Variants in PRKCE observed in about 807,000 individuals in gnomAD.
PRKCE encodes the protein protein kinase C epsilon type.
In PRKCE, 16 loss-of-function variants were observed where a neutral mutation model predicts 85.4. The observed-to-expected ratio is 0.19, with a 90% CI of 0.13 to 0.28. The LOEUF is 0.28. Among genes scored for constraint, PRKCE ranks in the 10% least tolerant of loss-of-function variants. The pLI is 1.00. For synonymous variants in PRKCE, 388 were observed against 371.5 expected, an observed-to-expected ratio of 1.04 and a Z score of -0.51; for missense variants, 573 against 975.2, an observed-to-expected ratio of 0.59 and a Z score of 5.49.
chr2:45,973,296 C>T (rs1181042156), intron 2 of PRKCE, among the ~76,000 whole-genome samples: 1 of 152,148 alleles, frequency 6.6e-6, no homozygotes, highest in Non-Finnish European at 1.5e-5. Flanking sequence ...GATACTCTGG[C>T]CTGACCCGTG....
chr2:45,741,710 G>A (rs1175409927), intron 1 of PRKCE, among the ~76,000 whole-genome samples: 1 of 151,430 alleles, frequency 6.6e-6, no homozygotes, highest in Admixed American at 6.5e-5. Context: ...GGTCTTGGAA[G>A]GGAAGGTTCA....
chr2:45,673,302 C>G (rs999425178), intron 1 of PRKCE, among the ~76,000 whole-genome samples: 2 of 152,196 alleles, frequency 1.3e-5, no homozygotes, highest in African/African-American at 4.8e-5. Context: ...CACTCAAAAA[C>G]GAATGCCATA....
intron 2 of PRKCE, among the ~76,000 whole-genome samples, chr2:45,916,828 G>A (rs768623851): frequency 2.6e-5 from 4 of 152,160 alleles, no homozygotes; most frequent in Non-Finnish European, 5.9e-5. Context: ...GAGTGTTACA[G>A]CTCTTAAGGT....
At chr2:45,751,550 A>G (rs1253418548) in intron 1 of PRKCE, among the ~76,000 whole-genome samples, 2 of 152,068 alleles carry the variant, frequency 1.3e-5, no homozygotes. Context: ...TTCTCTAATC[A>G]GGTCAAAAAA....
intron 2 of PRKCE, among the ~76,000 whole-genome samples, chr2:45,848,147 G>A (rs1166660678): frequency 6.6e-6 from 1 of 152,180 alleles, no homozygotes; most frequent in East Asian, 1.9e-4. Flanking sequence ...CAGTGGGCAG[G>A]ATACATATCG....
chr2:45,753,457 G>A (rs1683750619), intron 1 of PRKCE, among the ~76,000 whole-genome samples: 2 of 151,962 alleles, frequency 1.3e-5, no homozygotes, highest in Non-Finnish European at 2.9e-5. Flanking sequence ...TGATTTACTT[G>A]TATTCCAATA....
chr2:45,817,660 C>G (rs974872416), intron 1 of PRKCE, among the ~76,000 whole-genome samples: 1 of 152,120 alleles, frequency 6.6e-6, no homozygotes, highest in Non-Finnish European at 1.5e-5. Flanking sequence ...CGCCACTGCA[C>G]TCCAGCCTGG....
chr2:45,773,034 A>C (rs994100439), intron 1 of PRKCE, among the ~76,000 whole-genome samples: 1 of 152,158 alleles, frequency 6.6e-6, no homozygotes, highest in Non-Finnish European at 1.5e-5. Context: ...AGCCCTACCT[A>C]ATAACTTCCT....
At chr2:45,884,954 CATATATATAT>C (rs745477412) in intron 2 of PRKCE, among the ~76,000 whole-genome samples, 486 of 37,506 alleles carry the variant, frequency 0.013, 5 homozygotes, top group Non-Finnish European at 0.016. Context: ...ATATGTGATC[CATATATATAT>C]ATATATATAT....
chr2:45,862,673 A>G (rs1175999907), intron 2 of PRKCE, among the ~76,000 whole-genome samples: 1 of 152,214 alleles, frequency 6.6e-6, no homozygotes, highest in Non-Finnish European at 1.5e-5. Flanking sequence ...CACGGGAACC[A>G]GGTCACAATG....
At chr2:46,010,281 C>A in intron 9 of PRKCE, 63 bp from the exon 10 acceptor site, 4 of 1,476,446 alleles carry the variant, frequency 2.7e-6, no homozygotes, top group South Asian at 1.4e-5. Context: ...TTGGTATTAG[C>A]TTACACTTCT....
chr2:45,985,763 G>C (rs1238807690), intron 6 of PRKCE, among the ~76,000 whole-genome samples: 1 of 152,188 alleles, frequency 6.6e-6, no homozygotes, highest in African/African-American at 2.4e-5. Context: ...CTGAGATGGG[G>C]ATACAAGAGG....
At chr2:45,689,749 A>T (rs1677581424) in intron 1 of PRKCE, among the ~76,000 whole-genome samples, 1 of 151,948 alleles carries the variant, frequency 6.6e-6, no homozygotes, top group Non-Finnish European at 1.5e-5. Context: ...TACAAAGATT[A>T]GCCAGGCATG....
At chr2:46,034,897 AC>A (rs1707762522) in intron 10 of PRKCE, among the ~76,000 whole-genome samples, 1 of 152,260 alleles carries the variant, frequency 6.6e-6, no homozygotes, top group Non-Finnish European at 1.5e-5. Flanking sequence ...CCATTCTGAG[AC>A]TGCTAGCTTG....
chr2:45,972,190 A>G (rs1187692176), intron 2 of PRKCE, among the ~76,000 whole-genome samples: 1 of 152,170 alleles, frequency 6.6e-6, no homozygotes. Context: ...TGTAGCTTCA[A>G]TTTGTATTTC....
At chr2:45,888,607 T>G (rs991931646) in intron 2 of PRKCE, among the ~76,000 whole-genome samples, 1 of 151,008 alleles carries the variant, frequency 6.6e-6, no homozygotes, top group African/African-American at 2.4e-5. Context: ...CCTGCCACCA[T>G]GCCTAGCTAA....
chr2:45,977,410 G>A (rs767551328), intron 3 of PRKCE, among the ~76,000 whole-genome samples: 7 of 152,032 alleles, frequency 4.6e-5, no homozygotes, highest in Admixed American at 2.6e-4. Context: ...GCCGAGGCAC[G>A]CAGATTGCTT....
At chr2:45,724,334 G>A (rs1038802742) in intron 1 of PRKCE, among the ~76,000 whole-genome samples, 1 of 152,202 alleles carries the variant, frequency 6.6e-6, no homozygotes, top group Non-Finnish European at 1.5e-5. Flanking sequence ...ATTGATAAAT[G>A]TTGTGTGTGT....
chr2:45,712,707 T>G (rs1014366041), intron 1 of PRKCE, among the ~76,000 whole-genome samples: 2 of 152,068 alleles, frequency 1.3e-5, no homozygotes, highest in Admixed American at 6.5e-5. Context: ...TCCATCCAGC[T>G]CAAGTGTCAG....
Sources: gnomAD v4.1 joint callset for allele counts (sites outside exome capture counted in the v4.1 genomes callset) on GRCh38, gnomAD v4.1.1 for gene constraint, MANE v1.5 for transcripts, NCBI Gene and HGNC (gene_info 2026-07-23, HGNC 2026-07-21) for gene names.